The following SMURF1 variants were observed in gnomAD, a reference collection of about 807,000 sequenced individuals.
SMURF1 encodes SMAD specific E3 ubiquitin protein ligase 1, also known as E3 ubiquitin-protein ligase SMURF1.
SMURF1 carries 44 observed loss-of-function variants against 98.0 expected under a neutral mutation model. The ratio of observed to expected loss-of-function variants is 0.45; its 90% CI spans 0.35 to 0.58. The LOEUF (loss-of-function observed/expected upper bound fraction) is 0.58. Among genes scored for constraint, SMURF1 ranks in the 20% least tolerant of loss-of-function variants. The probability of loss-of-function intolerance (pLI) is 0.00; values close to 1 mark genes in which losing one functional copy is unlikely to be tolerated. For synonymous variants in SMURF1, 396 were observed against 374.9 expected, an observed-to-expected ratio of 1.06 and a Z score of -0.65; for missense variants, 687 against 938.4, an observed-to-expected ratio of 0.73 and a Z score of 3.50.
chr7:99,065,240 AAAC>A (rs1311272695), intron 1 of SMURF1, among the ~76,000 whole-genome samples: 10 of 151,930 alleles, frequency 6.6e-5, no homozygotes, highest in Admixed American at 6.6e-4. Flanking sequence ...GACCGCAGAT[AAAC>A]ACCAGCACAC....
chr7:99,115,460 A>T (rs1797418064), intron 1 of SMURF1, among the ~76,000 whole-genome samples: 1 of 151,956 alleles, frequency 6.6e-6, no homozygotes, highest in Non-Finnish European at 1.5e-5. Flanking sequence ...GGGTGTGGTG[A>T]CACACACCTG....
At chr7:99,046,731 C>CAA (rs56788889) in intron 10 of SMURF1, among the ~76,000 whole-genome samples, 1,393 of 71,954 alleles carry the variant, frequency 0.019, 22 homozygotes, top group Non-Finnish European at 0.022. Context: ...GACTCCGTCT[C>CAA]AAAAAAAAAA....
intron 1 of SMURF1, among the ~76,000 whole-genome samples, chr7:99,090,380 T>A (rs549950981): frequency 6.6e-6 from 1 of 152,292 alleles, no homozygotes; most frequent in African/African-American, 2.4e-5. Flanking sequence ...CTTTCCCTAC[T>A]GCTTACAGCG....
chr7:99,071,908 C>CT (rs1796333024), intron 1 of SMURF1, among the ~76,000 whole-genome samples: 2 of 149,964 alleles, frequency 1.3e-5, no homozygotes, highest in Admixed American at 6.6e-5. Flanking sequence ...GACACTGTAT[C>CT]TTAAAAAAAA....
At position 99,047,900 on chromosome 7, in the gene SMURF1, C is replaced by A; in HGVS notation, c.954-18G>T. 1 of 1,611,160 alleles carries A rather than the reference C, an allele frequency of 6.2e-7. No homozygotes were observed. Among genetic ancestry groups the A allele is most frequent in the Non-Finnish European group, 8.5e-7 (1 of 1,179,694 alleles). On this transcript the variant is annotated intron_variant, in intron 9 of 17. Transcript: ENST00000361368. ...ACTGGTGACTTGAGAAGAAGAGATG[C>A]AGAAAGTCACTCCGAAGCCCCGGCC... is the stretch of plus-strand genomic sequence containing the variant.
At chr7:99,031,722 G>A (rs189053284) in intron 17 of SMURF1, among the ~76,000 whole-genome samples, 2 of 152,328 alleles carry the variant, frequency 1.3e-5, no homozygotes, top group East Asian at 3.9e-4. Context: ...TCACAGGTGT[G>A]GAAAACCAAG....
chr7:99,049,355 A>G, intron 9 of SMURF1: 1 of 552,410 alleles, frequency 1.8e-6, no homozygotes, highest in Non-Finnish European at 3.1e-6. Flanking sequence ...AAGTAAGAAA[A>G]GGGTAGCAAC....
intron 1 of SMURF1, among the ~76,000 whole-genome samples, chr7:99,133,984 G>A (rs753075477): frequency 9.9e-5 from 15 of 152,156 alleles, no homozygotes; most frequent in African/African-American, 3.1e-4. Context: ...AGGGGGGTGC[G>A]GCTGAGGGAG....
intron 1 of SMURF1, among the ~76,000 whole-genome samples, chr7:99,078,084 A>AG (rs1411040069): frequency 1.3e-5 from 2 of 152,140 alleles, no homozygotes; most frequent in African/African-American, 4.8e-5. Context: ...GGATCACCTG[A>AG]GGTCAGGAGT....
At chr7:99,133,540 C>T (rs1797920519) in intron 1 of SMURF1, among the ~76,000 whole-genome samples, 1 of 151,976 alleles carries the variant, frequency 6.6e-6, no homozygotes, top group Non-Finnish European at 1.5e-5. Flanking sequence ...GCACCTGGAA[C>T]TCTCATACGC....
At chr7:99,032,816 G>T (rs771753606) in intron 17 of SMURF1, 1 of 698,204 alleles carries the variant, frequency 1.4e-6, no homozygotes. Flanking sequence ...ATACAGTGTC[G>T]TAATGTCGGG....
At chr7:99,057,624 A>C (rs1795916903) in intron 3 of SMURF1, 73 bp from the exon 4 acceptor site, 2 of 1,392,934 alleles carry the variant, frequency 1.4e-6, no homozygotes, top group Non-Finnish European at 1.9e-6. Context: ...TTTTTTTGAG[A>C]TAGAATCCTG....
At position 99,030,050 on chromosome 7, in the gene SMURF1, C is replaced by G. The variant is rs1048257867; in HGVS notation, c.*534G>C. The stretch of plus-strand genomic sequence containing the variant: ...TAAGCATACATTATATAGTTATTTT[C>G]CAGTTGGAAATTGATCTGCTACCCA... On this transcript the variant is annotated 3_prime_UTR_variant, in exon 18 of 18. Coordinates refer to ENST00000361368, the MANE Select transcript of SMURF1 (RefSeq NM_181349.3). 1.3e-5 allele frequency: 2 copies of G among 153,650 alleles called. No individual in the cohort carries two copies. Among genetic ancestry groups the G allele is most frequent in the African/African-American group, 4.8e-5 (2 of 41,464 alleles). The allele number at this position is 153,650 out of a possible 1,614,324, so 9.5% of individuals were successfully genotyped here.
intron 17 of SMURF1, 79 bp from the exon 18 acceptor site, chr7:99,030,762 G>A: frequency 9.7e-7 from 1 of 1,035,514 alleles, no homozygotes; most frequent in South Asian, 1.3e-5. Flanking sequence ...CAGGCAGTGA[G>A]AAGTATATGT....
chr7:99,055,517 G>A (rs991202007), intron 5 of SMURF1, among the ~76,000 whole-genome samples: 2 of 149,290 alleles, frequency 1.3e-5, no homozygotes, highest in South Asian at 2.1e-4. Flanking sequence ...AAGTTTTTTT[G>A]GGGGGGATTA....
At chr7:99,074,655 C>T (rs545531850) in intron 1 of SMURF1, among the ~76,000 whole-genome samples, 1 of 151,960 alleles carries the variant, frequency 6.6e-6, no homozygotes, top group South Asian at 2.1e-4. Context: ...ATATTAACAA[C>T]CCATATGACC....
At chr7:99,097,958 C>A (rs1218011608) in intron 1 of SMURF1, among the ~76,000 whole-genome samples, 1 of 152,114 alleles carries the variant, frequency 6.6e-6, no homozygotes, top group African/African-American at 2.4e-5. Context: ...AATTCTCTAC[C>A]CAGCAAAAAT....
chr7:99,121,806 C>T (rs1404117846), intron 1 of SMURF1, among the ~76,000 whole-genome samples: 1 of 152,182 alleles, frequency 6.6e-6, no homozygotes, highest in Non-Finnish European at 1.5e-5. Context: ...GGAAACTGTA[C>T]ACATGGTGTA....
At chr7:99,043,103 CA>C (rs1014861127) in intron 11 of SMURF1, among the ~76,000 whole-genome samples, 2 of 152,032 alleles carry the variant, frequency 1.3e-5, no homozygotes, top group African/African-American at 4.8e-5. Flanking sequence ...TTGAAAAAGA[CA>C]AAGACCTCCA....
Sources: gnomAD v4.1 joint callset for allele counts (sites outside exome capture counted in the v4.1 genomes callset) on GRCh38, gnomAD v4.1.1 for gene constraint, MANE v1.5 for transcripts, NCBI Gene and HGNC (gene_info 2026-07-23, HGNC 2026-07-21) for gene names.